SYNE1: variants seen among roughly 807,000 people sequenced by gnomAD.
SYNE1 encodes spectrin repeat containing nuclear envelope protein 1.
A neutral mutation model predicts 1,111.0 loss-of-function variants in SYNE1; 616 were observed. The ratio of observed to expected loss-of-function variants is 0.55; its 90% CI spans 0.52 to 0.59. The LOEUF is 0.59. Ranked by LOEUF, SYNE1 falls within the 20% of genes least tolerant of loss-of-function variation. The pLI is 0.00. For missense variants in SYNE1, 10,006 were observed against 10,417.0 expected, an observed-to-expected ratio of 0.96 and a Z score of 1.72; for synonymous variants, 3,855 against 3,825.8, an observed-to-expected ratio of 1.01 and a Z score of -0.28.
At chr6:152,269,431 AGT>A in intron 98 of SYNE1, 145 bp from the exon 99 acceptor site, 1 of 949,078 alleles carries the variant, frequency 1.1e-6, no homozygotes. Flanking sequence ...TAAAAAAAAC[AGT>A]AACACAAAAC....
At chr6:152,461,473 C>T in intron 21 of SYNE1, 124 bp downstream of exon 21, 8 of 1,219,898 alleles carry the variant, frequency 6.6e-6, no homozygotes, top group Non-Finnish European at 8.3e-6. Flanking sequence ...ATTGAGAATC[C>T]CAATTAGAAA....
In SYNE1 at chr6:152,637,313, T is replaced by G. The variant is rs1175420741; in HGVS notation, c.-516A>C. 6.6e-6 allele frequency: 1 copy of G among 152,348 alleles called. No homozygotes were observed. The highest frequency in any genetic ancestry group is 2.4e-5 in the African/African-American group (1 of 41,468). The allele number at this position is 152,348 out of a possible 1,614,324, so 9.4% of individuals were successfully genotyped here. A position where few individuals can be genotyped will look rare whatever the true frequency, so the allele number is the denominator to read the frequency against. ...GGTCGAGGTGGGAAGGAAATGTCCC[T>G]GAGAGCCGGGACGCGCTGCCTCCGC... On this transcript the variant is annotated 5_prime_UTR_variant, in exon 1 of 146. Transcript: ENST00000367255.
chr6:152,441,281 AAAAAT>A lies in SYNE1; in HGVS notation c.4009-16_4009-12del. 1 of 1,599,866 alleles carries A rather than the reference AAAAAT, an allele frequency of 6.3e-7. No homozygotes were observed. ...TTTTCTTAATGTGACCTAAATTTGA[AAAAAT>A]AAACAACAAATGGGTTACAAATGTC... On this transcript the variant is annotated splice_polypyrimidine_tract_variant and intron_variant, in intron 31 of 145. Transcript: ENST00000367255.
At chr6:152,206,082 T>G in intron 126 of SYNE1, 86 bp downstream of exon 126, 1 of 1,269,498 alleles carries the variant, frequency 7.9e-7, no homozygotes, top group Non-Finnish European at 1.1e-6. Context: ...GATCTTTGCA[T>G]TATTTGATTT....
chr6:152,376,758 A>T lies in SYNE1; in HGVS notation c.9146+18T>A. On this transcript the variant is annotated intron_variant, in intron 57 of 145. Coordinates refer to ENST00000367255, the MANE Select transcript of SYNE1 (RefSeq NM_182961.4). ...TTTGTATAAAAATATCTTGAACACC[A>T]ATAAGGTTCATGCTCACCAATTATA... The T allele has an allele frequency of 6.2e-7, 1 of 1,613,496 alleles. No individual in the cohort carries two copies. The highest frequency in any genetic ancestry group is 8.5e-7 in the Non-Finnish European group (1 of 1,179,954).
Position 152,354,656 on chromosome 6 carries a change from T to G in SYNE1, c.10926+3A>C. ...AAAGATCAGGAATCTACATGAGTTGTACCTTCATCTGATGTAATTGTATCT... is the reference window on the plus strand; with the variant it reads ...AAAGATCAGGAATCTACATGAGTTGGACCTTCATCTGATGTAATTGTATCT... On this transcript the variant is annotated splice_donor_region_variant and intron_variant, in intron 67 of 145. Coordinates refer to ENST00000367255, the MANE Select transcript of SYNE1 (RefSeq NM_182961.4). 6.2e-7 allele frequency: 1 copy of G among 1,614,092 alleles called. No individual in the cohort carries two copies. The highest frequency in any genetic ancestry group is 2.2e-5 in the East Asian group (1 of 44,888).
At chr6:152,402,523 T>A (rs1321979687) in intron 46 of SYNE1, 6 of 152,218 alleles carry the variant, frequency 3.9e-5, no homozygotes, top group Non-Finnish European at 7.3e-5. Flanking sequence ...CATTTATCCT[T>A]TGGCAAATAT....
rs1010181073 is a variant in SYNE1 at position 152,296,227 on chromosome 6, C to T, written c.17683-2100G>A. On this transcript the variant is annotated intron_variant, in intron 93 of 145. Transcript: ENST00000367255. ...TTCAATAGCACTGACAAACCCTTTC[C>T]GGAAACACTTTCTAAAAAATCTCTC... Among the ~76,000 whole-genome samples, 7 of 152,268 alleles carry T rather than the reference C, an allele frequency of 4.6e-5. No homozygotes were observed. In the East Asian group the frequency reaches 9.6e-4, roughly 21 times the overall value.
At chr6:152,507,264 T>C (rs2099062807) in intron 8 of SYNE1, among the ~76,000 whole-genome samples, 1 of 152,156 alleles carries the variant, frequency 6.6e-6, no homozygotes, top group African/African-American at 2.4e-5. Flanking sequence ...CAAAATTAAG[T>C]GGGGTGTAAA....
Position 152,269,259 on chromosome 6 carries a change from C to T in SYNE1, c.18601G>A (p.Asp6201Asn), listed in dbSNP as rs759885472. Residue 6201 changes from aspartate (D) to asparagine (N), a missense_variant, in exon 99 of 146, where the codon GAT becomes AAT. By Grantham distance (23) the Asp-to-Asn change is conservative. Around this residue, in one of 7 missense-constraint regions of SYNE1, gnomAD observed 2,182 missense variants for 2,287.8 expected, o/e 0.95. Coordinates refer to ENST00000367255, the MANE Select transcript of SYNE1 (RefSeq NM_182961.4). The part of the protein sequence containing the change: ...QGTAQEKEES[D>N]VDLTATQSPG... ...CTCTGCGTGGCTGTTAGGTCAACAT[C>T]GCTCTCCTCCTTCTCCTGTGCTGTT... 9 of 1,614,164 alleles carry T rather than the reference C, an allele frequency of 5.6e-6. No homozygotes were observed. The highest frequency in any genetic ancestry group is 2.2e-5 in the East Asian group (1 of 44,878).
chr6:152,318,331 C>T (rs1046198036), intron 85 of SYNE1, 68 bp from the exon 86 acceptor site: 26 of 1,568,422 alleles, frequency 1.7e-5, no homozygotes, highest in Non-Finnish European at 2.2e-5. Flanking sequence ...TTCCCGAGAT[C>T]AGACTGATTT....
In SYNE1 at chr6:152,156,012, G is replaced by A. The variant is rs1174889474; in HGVS notation, c.23876C>T (p.Ala7959Val). The A allele has an allele frequency of 1.2e-6, 2 of 1,614,042 alleles. No individual in the cohort carries two copies. Among genetic ancestry groups the A allele is most frequent in the African/African-American group, 2.7e-5 (2 of 74,904 alleles). ...GTCACACTCGGCATCAGTGGCACAG[G>A]CGTCACAGTCGTGCAGCAGGACTTC... ...LCEVLLHDCD[A>V]CATDAECDSI... Residue 7959 changes from alanine (A) to valine (V), a missense_variant, in exon 132 of 146, where the codon GCC becomes GTC. This residue lies in a region of SYNE1 where 2,182 missense variants were observed against 2,287.8 expected (regional missense o/e 0.95). Coordinates refer to ENST00000367255, the MANE Select transcript of SYNE1 (RefSeq NM_182961.4).
At chr6:152,547,259 G>C (rs2099318302) in intron 3 of SYNE1, among the ~76,000 whole-genome samples, 1 of 152,250 alleles carries the variant, frequency 6.6e-6, no homozygotes, top group African/African-American at 2.4e-5. Flanking sequence ...GGAGTGTGGT[G>C]TTGCTCTAAC....
At chr6:152,169,072 T>G (rs1451534012) in intron 130 of SYNE1, among the ~76,000 whole-genome samples, 3 of 152,068 alleles carry the variant, frequency 2.0e-5, no homozygotes, top group Non-Finnish European at 4.4e-5. Context: ...ATATGATTAA[T>G]GCTGGATGCT....
intron 91 of SYNE1, among the ~76,000 whole-genome samples, chr6:152,307,428 G>C (rs768661783): frequency 6.6e-6 from 1 of 152,110 alleles, no homozygotes; most frequent in Non-Finnish European, 1.5e-5. Flanking sequence ...AGTTAAAATA[G>C]AGCATATGGA....
intron 3 of SYNE1, among the ~76,000 whole-genome samples, chr6:152,552,200 T>TA (rs1235440393): frequency 6.6e-6 from 1 of 152,164 alleles, no homozygotes; most frequent in African/African-American, 2.4e-5. Context: ...TCCAGACTTT[T>TA]AAAAAACCCA....
chr6:152,331,965 T>C, intron 77 of SYNE1, 75 bp from the exon 78 acceptor site: 1 of 1,585,978 alleles, frequency 6.3e-7, no homozygotes, highest in African/African-American at 1.3e-5. Context: ...TATGCTAAAT[T>C]ACACTTCACC....
chr6:152,514,479 G>A (rs917847313), intron 6 of SYNE1, among the ~76,000 whole-genome samples: 9 of 152,080 alleles, frequency 5.9e-5, no homozygotes, highest in Non-Finnish European at 1.2e-4. Flanking sequence ...TGCCTGTCAC[G>A]GGGTAGGGGA....
intron 14 of SYNE1, among the ~76,000 whole-genome samples, chr6:152,479,326 T>G (rs1221082323): frequency 6.6e-6 from 1 of 152,184 alleles, no homozygotes; most frequent in Non-Finnish European, 1.5e-5. Flanking sequence ...GTGACCTAGG[T>G]AGGGTTGGTA....
Sources: allele counts gnomAD v4.1 joint callset (sites outside exome capture counted in the v4.1 genomes callset), GRCh38; gene constraint gnomAD v4.1.1; regional missense constraint gnomAD v4.1.1; transcripts MANE v1.5; gene names NCBI Gene and HGNC (gene_info 2026-07-23, HGNC 2026-07-21).